The following MACF1 variants were observed in gnomAD, a reference collection of about 807,000 sequenced individuals.
MACF1 encodes microtubule-actin cross-linking factor 1.
Under a neutral mutation model 854.8 loss-of-function variants are expected in MACF1, and 193 were observed. The observed-to-expected ratio is 0.23, with a 90% CI of 0.20 to 0.25. The LOEUF is 0.25. Among genes scored for constraint, MACF1 ranks in the 10% least tolerant of loss-of-function variants. The probability of loss-of-function intolerance (pLI) is 1.00; values close to 1 mark genes in which losing one functional copy is unlikely to be tolerated. For synonymous variants in MACF1, 3,185 were observed against 3,226.7 expected, an observed-to-expected ratio of 0.99 and a Z score of 0.44; for missense variants, 7,722 against 8,929.1, an observed-to-expected ratio of 0.86 and a Z score of 5.45.
At position 39,340,597 on chromosome 1, in the gene MACF1, T is replaced by C; in HGVS notation, c.10311T>C (p.Pro3437=). ...TCATCAGCCAGCCTCAAGAAGTTCCTGCTCAACTGTTGAAGGCTCTAGAGA... is the reference window on the plus strand; with the variant it reads ...TCATCAGCCAGCCTCAAGAAGTTCCCGCTCAACTGTTGAAGGCTCTAGAGA... ...QIIISQPQEV[P]AQLLKALEKD... Residue 3437 remains proline (P), a synonymous_variant, in exon 39 of 101, where the codon CCT becomes CCC. Coordinates refer to ENST00000564288, the MANE Select transcript of MACF1 (RefSeq NM_001394062.1). The C allele has an allele frequency of 6.2e-7, 1 of 1,614,212 alleles. No individual in the cohort carries two copies. The highest frequency in any genetic ancestry group is 8.5e-7 in the Non-Finnish European group (1 of 1,180,022).
At chr1:39,413,001 T>TA in intron 58 of MACF1, 1 of 1,583,910 alleles carries the variant, frequency 6.3e-7, no homozygotes, top group Non-Finnish European at 8.6e-7. Context: ...TCCCAGCTGT[T>TA]ACAGTATCTG....
intron 2 of MACF1, among the ~76,000 whole-genome samples, chr1:39,235,191 G>A (rs1177769230): frequency 7.2e-5 from 11 of 152,114 alleles, no homozygotes; most frequent in South Asian, 2.1e-4. Context: ...CCGAGATCAC[G>A]CCACTGCACT....
At chr1:39,107,837 A>G (rs929232257) in intron 2 of MACF1, among the ~76,000 whole-genome samples, 1 of 152,180 alleles carries the variant, frequency 6.6e-6, no homozygotes, top group Non-Finnish European at 1.5e-5. Flanking sequence ...CTCTGCTGCT[A>G]TTAATTTGTA....
At chr1:39,220,546 A>G (rs1210634703) in intron 1 of MACF1, among the ~76,000 whole-genome samples, 1 of 145,160 alleles carries the variant, frequency 6.9e-6, no homozygotes. Context: ...GCAGTGGCGC[A>G]ATCTCAGCTC....
chr1:39,259,202 A>T (rs1205866125), intron 6 of MACF1, among the ~76,000 whole-genome samples: 1 of 152,160 alleles, frequency 6.6e-6, no homozygotes. Context: ...TGAGTGCCCA[A>T]TGTTTGTCTC....
At chr1:39,233,295 A>C (rs1239197043) in intron 2 of MACF1, among the ~76,000 whole-genome samples, 1 of 151,968 alleles carries the variant, frequency 6.6e-6, no homozygotes, top group African/African-American at 2.4e-5. Context: ...AAGTCTCCCA[A>C]AGTGCTGGGA....
intron 26 of MACF1, among the ~76,000 whole-genome samples, chr1:39,312,468 A>G (rs112809932): frequency 2.7e-4 from 41 of 152,236 alleles, no homozygotes; most frequent in Non-Finnish European, 5.4e-4. Flanking sequence ...TTCAGTGTGC[A>G]TCTTCAAAAA....
chr1:39,170,002 C>T (rs1458446893), intron 2 of MACF1, among the ~76,000 whole-genome samples: 2 of 151,020 alleles, frequency 1.3e-5, no homozygotes, highest in Admixed American at 1.3e-4. Context: ...AGGATGTTCT[C>T]GATCTCCTGA....
intron 22 of MACF1, among the ~76,000 whole-genome samples, chr1:39,302,404 A>G (rs1646067974): frequency 6.6e-6 from 1 of 152,214 alleles, no homozygotes; most frequent in Non-Finnish European, 1.5e-5. Flanking sequence ...AAATTTAAAA[A>G]TGGGACTGTG....
chr1:39,439,393 A>G lies in MACF1; in HGVS notation c.18340A>G (p.Met6114Val). The change falls in exon 72 of 101, where the codon ATG (methionine) becomes GTG (valine). Residue 6114 changes from methionine to valine, a missense_variant. Physicochemically the swap from Met to Val is conservative, Grantham distance 21. Coordinates refer to ENST00000564288, the MANE Select transcript of MACF1 (RefSeq NM_001394062.1). ...LELAEKFWYD[M>V]AALLTTIKDT... ...ATTAGCAGAGAAGTTCTGGTATGACATGGCAGCTCTCCTGACCACCATCAA... is the reference window on the plus strand; with the variant it reads ...ATTAGCAGAGAAGTTCTGGTATGACGTGGCAGCTCTCCTGACCACCATCAA... The G allele has an allele frequency of 2.5e-6, 4 of 1,614,184 alleles. No individual in the cohort carries two copies. Among genetic ancestry groups the G allele is most frequent in the Non-Finnish European group, 3.4e-6 (4 of 1,180,006 alleles).
At chr1:39,431,743 G>A (rs1643878338) in intron 66 of MACF1, among the ~76,000 whole-genome samples, 1 of 152,172 alleles carries the variant, frequency 6.6e-6, no homozygotes, top group Admixed American at 6.5e-5. Context: ...GGAGGCTAAG[G>A]CAGGAGAATC....
chr1:39,399,527 A>C (rs1370178853), intron 58 of MACF1, among the ~76,000 whole-genome samples: 1 of 152,006 alleles, frequency 6.6e-6, no homozygotes, highest in Non-Finnish European at 1.5e-5. Flanking sequence ...GGCACGCACC[A>C]TCTTGCCTGG....
In MACF1 at chr1:39,332,330, C is replaced by T; in HGVS notation, c.5742C>T (p.Ala1914=). Residue 1914 remains alanine, a synonymous_variant, in exon 37 of 101, where the codon GCC becomes GCT. Coordinates refer to ENST00000564288, the MANE Select transcript of MACF1 (RefSeq NM_001394062.1). ...GTGGTATCCTGGATAGAGATCTTGC[C>T]AATAACTTAAAATCGATTTGTATAC... ...IESGILDRDL[A]NNLKSICIPD... The T allele has an allele frequency of 6.2e-7, 1 of 1,613,912 alleles. No homozygotes were observed. The highest frequency in any genetic ancestry group is 1.7e-5 in the Admixed American group (1 of 60,004).
chr1:39,188,923 A>T (rs1269381110), intron 2 of MACF1, among the ~76,000 whole-genome samples: 1 of 152,098 alleles, frequency 6.6e-6, no homozygotes, highest in Non-Finnish European at 1.5e-5. Flanking sequence ...TTTTTAGTAG[A>T]GGCGGGGTTT....
chr1:39,280,355 A>G (rs188847524), intron 6 of MACF1, among the ~76,000 whole-genome samples: 25 of 152,242 alleles, frequency 1.6e-4, no homozygotes, highest in Middle Eastern at 6.8e-3. Flanking sequence ...ACTGTGATCA[A>G]TGATTCTCAG....
At chr1:39,123,295 T>A (rs7555609) in intron 2 of MACF1, among the ~76,000 whole-genome samples, 1 of 147,604 alleles carries the variant, frequency 6.8e-6, no homozygotes, top group Non-Finnish European at 1.5e-5. Context: ...GCAACCTCTA[T>A]CTCCCAGGTT....
intron 70 of MACF1, 184 bp from the exon 71 acceptor site, chr1:39,437,593 T>C: frequency 1.7e-6 from 1 of 596,428 alleles, no homozygotes; most frequent in Non-Finnish European, 3.1e-6. Context: ...ATTACAGGTG[T>C]GAGCCACCAC....
At chr1:39,382,677 G>A (rs535891117) in intron 56 of MACF1, among the ~76,000 whole-genome samples, 22 of 145,668 alleles carry the variant, frequency 1.5e-4, no homozygotes, top group Middle Eastern at 3.5e-3. Flanking sequence ...GCGTGACTCC[G>A]TCTCAAAAAA....
chr1:39,107,407 C>T (rs769550944), intron 2 of MACF1, among the ~76,000 whole-genome samples: 10 of 151,984 alleles, frequency 6.6e-5, no homozygotes, highest in Non-Finnish European at 1.5e-4. Flanking sequence ...CTTAATCCTT[C>T]CCAGACACAG....
Sources: allele counts gnomAD v4.1 joint callset (sites outside exome capture counted in the v4.1 genomes callset), GRCh38; gene constraint gnomAD v4.1.1; transcripts MANE v1.5; gene names NCBI Gene and HGNC (gene_info 2026-07-23, HGNC 2026-07-21).